RCHY1: variants seen among roughly 807,000 people sequenced by gnomAD.
The protein encoded by RCHY1 is ring finger and CHY zinc finger domain containing 1.
Under a neutral mutation model 41.6 loss-of-function variants are expected in RCHY1, and 21 were observed. The observed-to-expected ratio is 0.51, with a 90% CI of 0.36 to 0.73. The LOEUF is 0.73. RCHY1 is among the 30% of genes least tolerant of loss of function. The pLI is 0.00. For synonymous variants in RCHY1, 79 were observed against 102.9 expected (o/e 0.77, Z 1.41); for missense variants, 265 against 325.3 (o/e 0.81, Z 1.43).
chr4:75,499,904 A>C (rs1370946309), intron 3 of RCHY1, among the ~76,000 whole-genome samples: 1 of 152,230 alleles, frequency 6.6e-6, no homozygotes. Context: ...TATACATTTC[A>C]AACTAGCTAA....
chr4:75,503,340 G>A (rs1480264079), intron 3 of RCHY1, among the ~76,000 whole-genome samples: 2 of 152,090 alleles, frequency 1.3e-5, no homozygotes, highest in East Asian at 3.8e-4. Flanking sequence ...ATTTTCAGAT[G>A]ATGTACCATA....
At position 75,514,390 on chromosome 4, in the gene RCHY1, A is replaced by G. The variant is rs1487020513; in HGVS notation, c.-104T>C. On this transcript the variant is annotated 5_prime_UTR_variant, in exon 1 of 9. Transcript: ENST00000324439. The stretch of plus-strand genomic sequence containing the variant: ...CACACCCCTCCCAGCCCCAGCGGCC[A>G]CTAGCGACAATATGGCTCCTAAGCA... 7.5e-7 allele frequency: 1 copy of G among 1,328,838 alleles called. No homozygotes were observed. The highest frequency in any genetic ancestry group is 1.0e-6 in the Non-Finnish European group (1 of 980,420). The allele number at this position is 1,328,838 out of a possible 1,614,324, so 82.3% of individuals were successfully genotyped here. A position where few individuals can be genotyped will look rare whatever the true frequency, so the allele number is the denominator to read the frequency against.
chr4:75,495,819 A>C (rs11731909), intron 3 of RCHY1, among the ~76,000 whole-genome samples: 15,032 of 152,094 alleles, frequency 0.099, 774 homozygotes, highest in Middle Eastern at 0.22. Flanking sequence ...CGAATGGATA[A>C]TCAATTATCT....
In RCHY1 at chr4:75,509,000, T is replaced by C. The variant is rs187485714; in HGVS notation, c.211-65A>G. ...CATTTTGAGTTACCATTTGAATATCTAGAACTTATGTTCAACTATATGCAG... is the reference window on the plus strand; with the variant it reads ...CATTTTGAGTTACCATTTGAATATCCAGAACTTATGTTCAACTATATGCAG... On this transcript the variant is annotated intron_variant, in intron 2 of 8. Coordinates refer to ENST00000324439, the MANE Select transcript of RCHY1 (RefSeq NM_015436.4). 7.1e-4 allele frequency: 906 copies of C among 1,278,230 alleles called. 7 individuals are homozygous for C. The African/African-American group carries it at 0.013, about 18-fold the overall frequency. 79.2% of individuals were successfully genotyped at this position (1,278,230 alleles called of 1,614,324 possible).
At chr4:75,495,996 C>T (rs1398798678) in intron 3 of RCHY1, among the ~76,000 whole-genome samples, 5 of 152,016 alleles carry the variant, frequency 3.3e-5, no homozygotes, top group East Asian at 3.9e-4. Flanking sequence ...ATATGTGGAA[C>T]GGCAATCCAC....
chr4:75,511,796 G>A (rs1487442397), intron 1 of RCHY1, among the ~76,000 whole-genome samples: 1 of 150,688 alleles, frequency 6.6e-6, no homozygotes, highest in African/African-American at 2.4e-5. Context: ...CCATCAATGC[G>A]TGTGTCAACA....
rs993840114 is a variant in RCHY1, at chr4:75,481,949, T to C, written c.*589A>G. ...AATTTCTTTTACATTATAGAACTGA[T>C]GATACTGCCCTAATTGAGCCAAACA... On this transcript the variant is annotated 3_prime_UTR_variant, in exon 9 of 9. Coordinates refer to ENST00000324439, the MANE Select transcript of RCHY1 (RefSeq NM_015436.4). 1 of 152,080 alleles carries C rather than the reference T, an allele frequency of 6.6e-6. No homozygotes were observed. Among genetic ancestry groups the C allele is most frequent in the Non-Finnish European group, 1.5e-5 (1 of 68,000 alleles). 9.4% of individuals were successfully genotyped at this position (152,080 alleles called of 1,614,324 possible).
intron 3 of RCHY1, among the ~76,000 whole-genome samples, chr4:75,500,233 T>C (rs906636877): frequency 6.6e-6 from 1 of 152,202 alleles, no homozygotes; most frequent in African/African-American, 2.4e-5. Flanking sequence ...TCCAAAAATA[T>C]GTACACCTAA....
rs1454659806 is a variant in RCHY1, at chr4:75,479,055, C to T, written c.*3483G>A. 6.6e-6 allele frequency: 1 copy of T among 152,044 alleles called. No individual in the cohort carries two copies. The highest frequency in any genetic ancestry group is 2.1e-4 in the South Asian group (1 of 4,828). 9.4% of individuals were successfully genotyped at this position (152,044 alleles called of 1,614,324 possible). Reference sequence around the variant, plus strand: ...ATATCAGTTAGACAAGAGGAATAAACTTTACTGATCTATTACACAGAATGG... The same window carrying T: ...ATATCAGTTAGACAAGAGGAATAAATTTTACTGATCTATTACACAGAATGG... On this transcript the variant is annotated 3_prime_UTR_variant, in exon 9 of 9. Coordinates refer to ENST00000324439, the MANE Select transcript of RCHY1 (RefSeq NM_015436.4).
At chr4:75,506,589 T>C (rs1424886717) in intron 3 of RCHY1, among the ~76,000 whole-genome samples, 27 of 151,098 alleles carry the variant, frequency 1.8e-4, no homozygotes, top group Non-Finnish European at 4.4e-5. Flanking sequence ...AGTTAATCTG[T>C]GGAAAGTATC....
chr4:75,485,327 G>A (rs766959827), intron 8 of RCHY1, among the ~76,000 whole-genome samples: 4 of 152,214 alleles, frequency 2.6e-5, no homozygotes, highest in African/African-American at 9.6e-5. Context: ...TTTTAAAAAC[G>A]ATCTATGGAA....
chr4:75,484,105 G>C (rs780243063), intron 8 of RCHY1, among the ~76,000 whole-genome samples: 3 of 152,136 alleles, frequency 2.0e-5, no homozygotes, highest in Non-Finnish European at 2.9e-5. Flanking sequence ...ATTAAGTTCT[G>C]TTAAATTTAA....
At chr4:75,493,542 C>T (rs928113703) in intron 4 of RCHY1, among the ~76,000 whole-genome samples, 10 of 151,762 alleles carry the variant, frequency 6.6e-5, no homozygotes, top group Non-Finnish European at 1.2e-4. Flanking sequence ...TGAACAAGTA[C>T]GATTTACACT....
intron 1 of RCHY1, among the ~76,000 whole-genome samples, chr4:75,513,717 T>G (rs1418995855): frequency 3.3e-5 from 5 of 152,222 alleles, no homozygotes; most frequent in Non-Finnish European, 7.3e-5. Context: ...TCTTCTTTTT[T>G]GGGACACACG....
chr4:75,485,477 T>C (rs1041749406), intron 8 of RCHY1, among the ~76,000 whole-genome samples: 2 of 152,212 alleles, frequency 1.3e-5, no homozygotes, highest in African/African-American at 2.4e-5. Flanking sequence ...TATCACTATT[T>C]TAAATTTATA....
At chr4:75,503,864 GGTTCA>G (rs1342774830) in intron 3 of RCHY1, among the ~76,000 whole-genome samples, 1 of 151,988 alleles carries the variant, frequency 6.6e-6, no homozygotes, top group Non-Finnish European at 1.5e-5. Flanking sequence ...TACTTAATAT[GGTTCA>G]TAAGTGGACA....
At chr4:75,506,239 GA>G (rs998564908) in intron 3 of RCHY1, among the ~76,000 whole-genome samples, 1 of 143,404 alleles carries the variant, frequency 7.0e-6, no homozygotes. Context: ...AATTCTCTCT[GA>G]AAAAAAAATA....
At chr4:75,491,454 T>C (rs1722741400) in intron 7 of RCHY1, 157 bp downstream of exon 7, 4 of 614,150 alleles carry the variant, frequency 6.5e-6, no homozygotes, top group Non-Finnish European at 1.1e-5. Flanking sequence ...CAAGACACTT[T>C]GTCCTGTTTT....
At chr4:75,487,473 A>AAT (rs1389119781) in intron 8 of RCHY1, among the ~76,000 whole-genome samples, 4 of 138,774 alleles carry the variant, frequency 2.9e-5, no homozygotes, top group Admixed American at 7.8e-5. Context: ...ATATATTCAC[A>AAT]ATATATATAG....
Sources: allele counts gnomAD v4.1 joint callset (sites outside exome capture counted in the v4.1 genomes callset), GRCh38; gene constraint gnomAD v4.1.1; transcripts MANE v1.5; gene names NCBI Gene and HGNC (gene_info 2026-07-23, HGNC 2026-07-21).